The following UBE2Q2 variants were observed in gnomAD, a reference collection of about 807,000 sequenced individuals.
UBE2Q2 encodes the protein ubiquitin conjugating enzyme E2 Q2.
Under a neutral mutation model 59.9 loss-of-function variants are expected in UBE2Q2, and 54 were observed. The ratio of observed to expected loss-of-function variants is 0.90; its 90% CI spans 0.72 to 1.13. The LOEUF (loss-of-function observed/expected upper bound fraction) is 1.13. UBE2Q2 is among the 50% of genes most tolerant of loss of function. The pLI, the probability that UBE2Q2 is intolerant of heterozygous loss-of-function variation, is 0.00. For synonymous variants in UBE2Q2, 165 were observed against 155.2 expected, an observed-to-expected ratio of 1.06 and a Z score of -0.47; for missense variants, 433 against 441.9, an observed-to-expected ratio of 0.98 and a Z score of 0.18.
Position 75,876,395 on chromosome 15 carries a change from G to A in UBE2Q2, c.673+124G>A, listed in dbSNP as rs543146858. On this transcript the variant is annotated intron_variant, in intron 6 of 12. Coordinates refer to ENST00000267938, the MANE Select transcript of UBE2Q2 (RefSeq NM_173469.4). ...TGTTTACTAGCTTTATTTCAGGAAT[G>A]TGAAACTCAAATGCAATCAAGTTCC... 1.8e-5 allele frequency: 15 copies of A among 840,892 alleles called. No homozygotes were observed. The African/African-American group carries it at 2.4e-4, about 14-fold the overall frequency. The allele number at this position is 840,892 out of a possible 1,614,324, so 52.1% of individuals were successfully genotyped here.
intron 1 of UBE2Q2, among the ~76,000 whole-genome samples, chr15:75,853,834 C>T (rs951013140): frequency 2.6e-5 from 4 of 152,140 alleles, no homozygotes; most frequent in Non-Finnish European, 4.4e-5. Flanking sequence ...ATTCATCTCA[C>T]AGGCTGTGGG....
chr15:75,853,679 G>A (rs1896756045), intron 1 of UBE2Q2, among the ~76,000 whole-genome samples: 1 of 152,042 alleles, frequency 6.6e-6, no homozygotes. Flanking sequence ...CCATTTCTGT[G>A]GGTCAGGATT....
chr15:75,853,522 A>G (rs981776957), intron 1 of UBE2Q2, among the ~76,000 whole-genome samples: 2 of 151,650 alleles, frequency 1.3e-5, no homozygotes, highest in African/African-American at 2.4e-5. Flanking sequence ...GTATGTATGT[A>G]TGTGTGTATA....
intron 9 of UBE2Q2, among the ~76,000 whole-genome samples, chr15:75,884,308 T>C (rs373695991): frequency 3.3e-5 from 5 of 152,186 alleles, no homozygotes; most frequent in African/African-American, 1.2e-4. Context: ...ATTTCTATGG[T>C]TGAGATAGTA....
intron 4 of UBE2Q2, among the ~76,000 whole-genome samples, chr15:75,872,116 T>C (rs531363033): frequency 5.9e-5 from 9 of 152,054 alleles, no homozygotes; most frequent in African/African-American, 9.7e-5. Context: ...CAGAACGTTA[T>C]AGGGCTTGAA....
At chr15:75,861,807 A>C (rs1002623062) in intron 3 of UBE2Q2, among the ~76,000 whole-genome samples, 5 of 152,196 alleles carry the variant, frequency 3.3e-5, no homozygotes, top group African/African-American at 1.2e-4. Flanking sequence ...TGTATGGCTT[A>C]ACTGGGGCTA....
intron 5 of UBE2Q2, among the ~76,000 whole-genome samples, chr15:75,875,658 C>G (rs902087372): frequency 1.3e-5 from 2 of 152,136 alleles, no homozygotes; most frequent in African/African-American, 4.8e-5. Context: ...GACATGTTGG[C>G]TAGACTTTTT....
At chr15:75,854,240 C>A in intron 1 of UBE2Q2, 146 bp from the exon 2 acceptor site, 1 of 537,256 alleles carries the variant, frequency 1.9e-6, no homozygotes, top group Non-Finnish European at 3.2e-6. Context: ...AAGTCCAGCT[C>A]CTCACAAGGT....
chr15:75,861,310 T>C lies in UBE2Q2; in HGVS notation c.387+1328T>C, dbSNP rs555086618. On this transcript the variant is annotated intron_variant, in intron 3 of 12. Coordinates refer to ENST00000267938, the MANE Select transcript of UBE2Q2 (RefSeq NM_173469.4). ...GAATTTCAAAGTCTATGCTGTTGTC[T>C]TCTAACCAGTCGTGGTGGTGAAGCC... Among the ~76,000 whole-genome samples the C allele has an allele frequency of 2.7e-3, 408 of 152,358 alleles. 1 individual carries two copies. The highest frequency in any genetic ancestry group is 3.2e-3 in the Non-Finnish European group (219 of 68,034).
intron 9 of UBE2Q2, among the ~76,000 whole-genome samples, chr15:75,889,253 C>A (rs1413220029): frequency 6.6e-6 from 1 of 152,130 alleles, no homozygotes; most frequent in Non-Finnish European, 1.5e-5. Flanking sequence ...GATTTTCTTT[C>A]ACTTTTAGAT....
intron 2 of UBE2Q2, among the ~76,000 whole-genome samples, chr15:75,856,023 CA>C (rs1299616203): frequency 3.9e-5 from 6 of 151,934 alleles, no homozygotes; most frequent in African/African-American, 1.4e-4. Flanking sequence ...CCTGTCTCTA[CA>C]AAAAATACAA....
At chr15:75,896,059 T>G (rs1375985648) in intron 11 of UBE2Q2, among the ~76,000 whole-genome samples, 1 of 152,206 alleles carries the variant, frequency 6.6e-6, no homozygotes, top group Non-Finnish European at 1.5e-5. Flanking sequence ...AGGAACATTC[T>G]CCAAGATATG....
intron 7 of UBE2Q2, chr15:75,878,257 A>T: frequency 2.0e-6 from 1 of 488,662 alleles, no homozygotes; most frequent in East Asian, 3.3e-5. Flanking sequence ...TGTTTTATGG[A>T]GTTAGAGCAG....
chr15:75,844,631 A>G, intron 1 of UBE2Q2: 1 of 862,758 alleles, frequency 1.2e-6, no homozygotes, highest in Non-Finnish European at 1.7e-6. Flanking sequence ...AAACTCACTC[A>G]TTAAGCGGAA....
chr15:75,883,839 TACACACACAC>T lies in UBE2Q2; in HGVS notation c.884+432_884+441del, dbSNP rs10524276. Among the ~76,000 whole-genome samples, 11 of 152,000 alleles carry T rather than the reference TACACACACAC, an allele frequency of 7.2e-5. No individual in the cohort carries two copies. In the East Asian group the frequency reaches 2.1e-3, roughly 29 times the overall value. ...ATTCATACACACATGTATTTATACA[TACACACACAC>T]ACACACACACACACACGTATATATA... is the stretch of plus-strand genomic sequence containing the variant. On this transcript the variant is annotated intron_variant, in intron 9 of 12. Transcript: ENST00000267938.
intron 9 of UBE2Q2, among the ~76,000 whole-genome samples, chr15:75,886,879 T>TA (rs1043310192): frequency 6.6e-6 from 1 of 151,978 alleles, no homozygotes; most frequent in African/African-American, 2.4e-5. Context: ...TTTTTTTTTT[T>TA]AATCAGAACA....
chr15:75,852,966 C>T (rs1285635303), intron 1 of UBE2Q2, among the ~76,000 whole-genome samples: 1 of 152,158 alleles, frequency 6.6e-6, no homozygotes, highest in Non-Finnish European at 1.5e-5. Flanking sequence ...GATTATAGTT[C>T]TCAAAGCAGT....
intron 11 of UBE2Q2, among the ~76,000 whole-genome samples, chr15:75,894,256 TAGAA>T (rs994687379): frequency 6.6e-6 from 1 of 152,214 alleles, no homozygotes; most frequent in African/African-American, 2.4e-5. Flanking sequence ...CTCTGATTGT[TAGAA>T]AGGACAATAA....
intron 8 of UBE2Q2, among the ~76,000 whole-genome samples, chr15:75,881,512 T>C (rs1898427211): frequency 6.6e-6 from 1 of 152,178 alleles, no homozygotes; most frequent in Non-Finnish European, 1.5e-5. Context: ...GAGTATTTCT[T>C]GAGAGGCCTA....
Sources: allele counts gnomAD v4.1 joint callset (sites outside exome capture counted in the v4.1 genomes callset), GRCh38; gene constraint gnomAD v4.1.1; transcripts MANE v1.5; gene names NCBI Gene and HGNC (gene_info 2026-07-23, HGNC 2026-07-21).